GLIS3: variants seen among roughly 807,000 people sequenced by gnomAD.
GLIS3 encodes zinc finger protein GLIS3.
Under a neutral mutation model 78.6 loss-of-function variants are expected in GLIS3, and 53 were observed. The ratio of observed to expected loss-of-function variants is 0.67; its 90% CI spans 0.54 to 0.85. The LOEUF (loss-of-function observed/expected upper bound fraction) is 0.85. Among genes scored for constraint, GLIS3 ranks in the 40% least tolerant of loss-of-function variants. The pLI, the probability that GLIS3 is intolerant of heterozygous loss-of-function variation, is 0.00. For synonymous variants in GLIS3, 684 were observed against 509.9 expected, an observed-to-expected ratio of 1.34 and a Z score of -4.60; for missense variants, 1,703 against 1,231.1, an observed-to-expected ratio of 1.38 and a Z score of -5.74.
chr9:3,901,961 T>C (rs1479792120), intron 6 of GLIS3, among the ~76,000 whole-genome samples: 1 of 152,210 alleles, frequency 6.6e-6, no homozygotes, highest in Non-Finnish European at 1.5e-5. Flanking sequence ...GTCCACATGT[T>C]TTACCAAGGG....
At chr9:4,431,928 C>T in the GLIS3 span, among the ~76,000 whole-genome samples, 1 of 151,960 alleles carries the variant, frequency 6.6e-6, no homozygotes, top group Non-Finnish European at 1.5e-5. Flanking sequence ...TTTAACTCTG[C>T]CACTGTAGCA....
intron 4 of GLIS3, among the ~76,000 whole-genome samples, chr9:4,039,141 A>G (rs575634822): frequency 2.6e-5 from 4 of 152,132 alleles, no homozygotes; most frequent in Non-Finnish European, 5.9e-5. Context: ...CTCTTTTCAC[A>G]CCTAGGGTGG....
At chr9:4,176,931 C>T (rs2131153795) in intron 2 of GLIS3, among the ~76,000 whole-genome samples, 1 of 152,318 alleles carries the variant, frequency 6.6e-6, no homozygotes, top group Admixed American at 6.5e-5. Flanking sequence ...GCCTCTTTTA[C>T]CGTATTTCAA....
At chr9:4,097,671 T>A (rs1019667455) in intron 4 of GLIS3, among the ~76,000 whole-genome samples, 9 of 152,214 alleles carry the variant, frequency 5.9e-5, no homozygotes, top group Non-Finnish European at 1.0e-4. Context: ...ACCATCGGTA[T>A]GTGCAGTGCT....
the GLIS3 span, among the ~76,000 whole-genome samples, chr9:4,406,474 C>A: frequency 6.6e-6 from 1 of 152,134 alleles, no homozygotes; most frequent in Admixed American, 6.5e-5. Flanking sequence ...GCACCCACCA[C>A]CAGGCCTGGC....
At chr9:4,099,018 T>C (rs1359548664) in intron 4 of GLIS3, among the ~76,000 whole-genome samples, 1 of 152,098 alleles carries the variant, frequency 6.6e-6, no homozygotes, top group Non-Finnish European at 1.5e-5. Flanking sequence ...ACACATCTGG[T>C]TGACCCTTCC....
intron 9 of GLIS3, among the ~76,000 whole-genome samples, chr9:3,847,009 C>A (rs369200931): frequency 6.6e-6 from 1 of 151,982 alleles, no homozygotes; most frequent in Admixed American, 6.6e-5. Context: ...CATGGCAAAA[C>A]GGTGTCTCTA....
intron 2 of GLIS3, among the ~76,000 whole-genome samples, chr9:4,186,782 C>T (rs1448782277): frequency 6.6e-6 from 1 of 152,154 alleles, no homozygotes; most frequent in Non-Finnish European, 1.5e-5. Flanking sequence ...TGTCTTTTGG[C>T]TGCATAAATG....
At chr9:4,433,950 G>T in the GLIS3 span, among the ~76,000 whole-genome samples, 1 of 152,122 alleles carries the variant, frequency 6.6e-6, no homozygotes, top group Middle Eastern at 3.2e-3. Context: ...CAAAAAATTA[G>T]CTGGGCGTGG....
the GLIS3 span, among the ~76,000 whole-genome samples, chr9:4,355,521 G>C: frequency 6.6e-6 from 1 of 152,282 alleles, no homozygotes; most frequent in Admixed American, 6.5e-5. Flanking sequence ...ATCAGGTAAA[G>C]AATGAAATGG....
At chr9:4,178,858 C>G (rs1446426814) in intron 2 of GLIS3, among the ~76,000 whole-genome samples, 1 of 152,060 alleles carries the variant, frequency 6.6e-6, no homozygotes, top group Non-Finnish European at 1.5e-5. Flanking sequence ...GGGTATCTAG[C>G]ATAAACATTA....
At chr9:4,139,391 A>G (rs1362612145) in intron 2 of GLIS3, among the ~76,000 whole-genome samples, 2 of 152,244 alleles carry the variant, frequency 1.3e-5, no homozygotes, top group Non-Finnish European at 2.9e-5. Context: ...GTTCAAGGCC[A>G]CGAATCAAAT....
At chr9:3,980,374 G>C (rs879356663) in intron 4 of GLIS3, among the ~76,000 whole-genome samples, 6 of 152,088 alleles carry the variant, frequency 3.9e-5, no homozygotes, top group Non-Finnish European at 5.9e-5. Flanking sequence ...GGCAGAGCTG[G>C]GATTAAACTC....
At chr9:3,954,411 G>A (rs888840875) in intron 4 of GLIS3, among the ~76,000 whole-genome samples, 1 of 152,214 alleles carries the variant, frequency 6.6e-6, no homozygotes, top group Non-Finnish European at 1.5e-5. Flanking sequence ...TCTCTGTGTT[G>A]TCTTTTCCTT....
chr9:4,434,071 G>A, the GLIS3 span, among the ~76,000 whole-genome samples: 726 of 149,760 alleles, frequency 4.8e-3, 1 homozygote, highest in Admixed American at 7.2e-3. Flanking sequence ...ACTCCAGCCT[G>A]GTGACAGAGT....
chr9:3,931,496 C>T (rs991278515), intron 6 of GLIS3, among the ~76,000 whole-genome samples: 1 of 152,112 alleles, frequency 6.6e-6, no homozygotes, highest in Non-Finnish European at 1.5e-5. Flanking sequence ...ATCAGGAACC[C>T]ATCTCAATAC....
chr9:3,908,706 G>GTTTTTTTTTT lies in GLIS3; in HGVS notation c.1984-9881_1984-9872dup, dbSNP rs34789708. The stretch of plus-strand genomic sequence containing the variant: ...GCACCATCAATTGTGATTTGTATTT[G>GTTTTTTTTTT]TTTTTTTTTTTTTTTTTTTTTTGTA... On this transcript the variant is annotated intron_variant, in intron 6 of 10. Coordinates refer to ENST00000381971, the MANE Select transcript of GLIS3 (RefSeq NM_001042413.2). Among the ~76,000 whole-genome samples, 434 of 85,522 alleles carry GTTTTTTTTTT rather than the reference G, an allele frequency of 5.1e-3. 16 individuals are homozygous for GTTTTTTTTTT. Among genetic ancestry groups the GTTTTTTTTTT allele is most frequent in the African/African-American group, 0.012 (231 of 18,484 alleles). 56.1% of individuals were successfully genotyped at this position (85,522 alleles called of 152,430 possible). A position where few individuals can be genotyped will look rare whatever the true frequency, so the allele number is the denominator to read the frequency against.
the GLIS3 span, among the ~76,000 whole-genome samples, chr9:4,469,377 T>C: frequency 4.6e-5 from 7 of 152,108 alleles, no homozygotes; most frequent in African/African-American, 1.4e-4. Context: ...ACTGACCACA[T>C]AGTTGGAAGT....
chr9:4,094,159 G>A (rs1036052277), intron 4 of GLIS3, among the ~76,000 whole-genome samples: 3 of 152,182 alleles, frequency 2.0e-5, no homozygotes, highest in Non-Finnish European at 2.9e-5. Context: ...AGTGGAACAT[G>A]GAAGAGAAGA....
Sources: allele counts gnomAD v4.1 joint callset (sites outside exome capture counted in the v4.1 genomes callset), GRCh38; gene constraint gnomAD v4.1.1; transcripts MANE v1.5; gene names NCBI Gene and HGNC (gene_info 2026-07-23, HGNC 2026-07-21).